Variants in B3GALT1 observed in about 807,000 individuals in gnomAD.
The protein encoded by B3GALT1 is UDP-Gal:betaGlcNAc beta 1,3-galactosyltransferase, polypeptide 1.
In B3GALT1, 10 loss-of-function variants were observed where a neutral mutation model predicts 23.2. The ratio of observed to expected loss-of-function variants is 0.43; its 90% CI spans 0.27 to 0.73. The LOEUF is 0.73. Among genes scored for constraint, B3GALT1 ranks in the 30% least tolerant of loss-of-function variants. The pLI, the probability that B3GALT1 is intolerant of heterozygous loss-of-function variation, is 0.21. For synonymous variants in B3GALT1, 156 were observed against 141.5 expected (o/e 1.10, Z -0.73); for missense variants, 299 against 405.4 (o/e 0.74, Z 2.25).
intron 1 of B3GALT1, among the ~76,000 whole-genome samples, chr2:167,451,907 A>G (rs1160964429): frequency 1.3e-5 from 2 of 152,028 alleles, no homozygotes; most frequent in African/African-American, 4.8e-5. Flanking sequence ...AATGGAGTTA[A>G]TGTTTCCAGG....
chr2:167,680,521 T>C (rs1278337824), intron 3 of B3GALT1, among the ~76,000 whole-genome samples: 2 of 90,494 alleles, frequency 2.2e-5, no homozygotes, highest in Admixed American at 2.0e-4. Context: ...AAATTTTTTT[T>C]TTGGTAGGAG....
chr2:167,326,993 G>C (rs1696906833), intron 1 of B3GALT1, among the ~76,000 whole-genome samples: 1 of 152,054 alleles, frequency 6.6e-6, no homozygotes, highest in Admixed American at 6.5e-5. Context: ...CCTGGCCGCA[G>C]TACCATTTAT....
At chr2:167,550,152 G>T (rs577302263) in intron 2 of B3GALT1, among the ~76,000 whole-genome samples, 1 of 152,154 alleles carries the variant, frequency 6.6e-6, no homozygotes, top group Admixed American at 6.5e-5. Flanking sequence ...TCTTTGCATT[G>T]CTATCCACTG....
At chr2:167,436,325 G>T (rs1249883076) in intron 1 of B3GALT1, among the ~76,000 whole-genome samples, 1 of 151,946 alleles carries the variant, frequency 6.6e-6, no homozygotes, top group East Asian at 1.9e-4. Flanking sequence ...TCCACCTCAG[G>T]TCTTTTGCCT....
At chr2:167,858,360 A>G (rs1047910944) in intron 4 of B3GALT1, among the ~76,000 whole-genome samples, 1 of 151,948 alleles carries the variant, frequency 6.6e-6, no homozygotes, top group East Asian at 1.9e-4. Context: ...AAAAAAAAAA[A>G]AAAACTGCTT....
intron 2 of B3GALT1, among the ~76,000 whole-genome samples, chr2:167,530,052 T>C (rs1443552311): frequency 6.6e-6 from 1 of 152,178 alleles, no homozygotes; most frequent in East Asian, 1.9e-4. Context: ...TGAGCTCACT[T>C]CCTACAAATC....
chr2:167,353,802 C>T (rs1335824617), intron 1 of B3GALT1, among the ~76,000 whole-genome samples: 5 of 152,006 alleles, frequency 3.3e-5, no homozygotes, highest in African/African-American at 1.2e-4. Context: ...CTAATAGGTG[C>T]TGTGTTTGTT....
chr2:167,735,763 T>C (rs1687482240), intron 3 of B3GALT1, among the ~76,000 whole-genome samples: 1 of 152,124 alleles, frequency 6.6e-6, no homozygotes, highest in Non-Finnish European at 1.5e-5. Flanking sequence ...CTCACAATTA[T>C]CCAGTGAAGA....
At chr2:167,676,021 A>G (rs73017420) in intron 3 of B3GALT1, among the ~76,000 whole-genome samples, 19,406 of 151,786 alleles carry the variant, frequency 0.13, 3,185 homozygotes, top group African/African-American at 0.37. Flanking sequence ...CTGGTTCTCC[A>G]CATGGCACAG....
chr2:167,514,128 C>T (rs1327541222), intron 2 of B3GALT1, among the ~76,000 whole-genome samples: 2 of 152,076 alleles, frequency 1.3e-5, no homozygotes, highest in African/African-American at 2.4e-5. Flanking sequence ...AGGATGGTCT[C>T]GATCTCCTGA....
chr2:167,772,038 G>A (rs565820879), intron 3 of B3GALT1, among the ~76,000 whole-genome samples: 162 of 152,310 alleles, frequency 1.1e-3, no homozygotes, highest in Non-Finnish European at 2.0e-3. Context: ...ACTGAACTAA[G>A]AGGATTTTTC....
At chr2:167,510,884 A>G (rs1699994640) in intron 2 of B3GALT1, among the ~76,000 whole-genome samples, 1 of 152,218 alleles carries the variant, frequency 6.6e-6, no homozygotes, top group South Asian at 2.1e-4. Context: ...TATGGGAATC[A>G]TTAGCATATA....
chr2:167,452,687 G>A (rs1482258564), intron 1 of B3GALT1, among the ~76,000 whole-genome samples: 2 of 152,174 alleles, frequency 1.3e-5, no homozygotes, highest in African/African-American at 2.4e-5. Flanking sequence ...GTTCATCCGA[G>A]TGGGAGCTGC....
chr2:167,520,802 T>G (rs780309586), intron 2 of B3GALT1, among the ~76,000 whole-genome samples: 25 of 152,326 alleles, frequency 1.6e-4, no homozygotes, highest in Admixed American at 1.2e-3. Flanking sequence ...AAATCTCTGC[T>G]CACATCTGCA....
intron 1 of B3GALT1, among the ~76,000 whole-genome samples, chr2:167,341,687 C>T (rs912576273): frequency 6.6e-6 from 1 of 152,102 alleles, no homozygotes; most frequent in African/African-American, 2.4e-5. Flanking sequence ...GATTACTGCT[C>T]AGCCTTTTCT....
chr2:167,739,921 T>C (rs1260444457), intron 3 of B3GALT1, among the ~76,000 whole-genome samples: 2 of 134,942 alleles, frequency 1.5e-5, no homozygotes, highest in Non-Finnish European at 3.1e-5. Flanking sequence ...TAAGAAGTTG[T>C]CTCTACAAAA....
intron 1 of B3GALT1, among the ~76,000 whole-genome samples, chr2:167,422,855 C>A (rs1698568642): frequency 6.6e-6 from 1 of 151,966 alleles, no homozygotes; most frequent in Admixed American, 6.6e-5. Context: ...GGACACCAGC[C>A]AAGAGTCCTG....
rs573763484 is a variant in B3GALT1, at chr2:167,746,834, A to G, written c.-351-71838A>G. ...TGCCTTTCCCACAGATTGTGAATCA[A>G]TCTGTTTTTTCATTTTATAGAAAAA... On this transcript the variant is annotated intron_variant, in intron 3 of 4. Transcript: ENST00000392690. Among the ~76,000 whole-genome samples, 6 of 152,294 alleles carry G rather than the reference A, an allele frequency of 3.9e-5. No individual in the cohort carries two copies. The South Asian group carries it at 8.3e-4, about 21-fold the overall frequency.
chr2:167,725,721 T>A (rs1187261343), intron 3 of B3GALT1, among the ~76,000 whole-genome samples: 1 of 152,054 alleles, frequency 6.6e-6, no homozygotes, highest in Non-Finnish European at 1.5e-5. Flanking sequence ...TCTTCCACAC[T>A]CTGACCTCAT....
Sources: gnomAD v4.1 joint callset for allele counts (sites outside exome capture counted in the v4.1 genomes callset) on GRCh38, gnomAD v4.1.1 for gene constraint, MANE v1.5 for transcripts, NCBI Gene and HGNC (gene_info 2026-07-23, HGNC 2026-07-21) for gene names.